The following CEP128 variants were observed in gnomAD, a reference collection of about 807,000 sequenced individuals.
CEP128 encodes the protein centrosomal protein 128, also known as centrosomal protein 128kDa.
In CEP128, 132 loss-of-function variants were observed where a neutral mutation model predicts 156.7. That is an observed-to-expected ratio of 0.84 (90% CI 0.73 to 0.97). The LOEUF is 0.97. Among genes scored for constraint, CEP128 ranks in the 50% least tolerant of loss-of-function variants. The pLI is 0.00. For missense variants in CEP128, 1,252 were observed against 1,281.9 expected (o/e 0.98, Z 0.36); for synonymous variants, 469 against 448.9 (o/e 1.04, Z -0.57).
chr14:80,872,255 T>C (rs1456431691), intron 8 of CEP128, among the ~76,000 whole-genome samples: 2 of 152,140 alleles, frequency 1.3e-5, no homozygotes, highest in African/African-American at 2.4e-5. Context: ...ATAAGGCCTA[T>C]GCAATATTGA....
At chr14:80,503,338 T>C (rs1181954224) in intron 24 of CEP128, among the ~76,000 whole-genome samples, 1 of 152,160 alleles carries the variant, frequency 6.6e-6, no homozygotes, top group Admixed American at 6.5e-5. Context: ...TTGTGAGAAA[T>C]ATATCTTAGA....
At chr14:80,951,121 G>A (rs927370136) in intron 2 of CEP128, among the ~76,000 whole-genome samples, 1 of 151,900 alleles carries the variant, frequency 6.6e-6, no homozygotes, top group East Asian at 1.9e-4. Context: ...AGAAAAGCTG[G>A]AATAATTTAT....
intron 19 of CEP128, among the ~76,000 whole-genome samples, chr14:80,686,995 G>A (rs962050642): frequency 1.3e-5 from 2 of 152,094 alleles, no homozygotes; most frequent in Non-Finnish European, 2.9e-5. Context: ...AATAGTGGGA[G>A]ATTTTAACAC....
intron 19 of CEP128, among the ~76,000 whole-genome samples, chr14:80,718,027 A>G (rs1897674227): frequency 6.6e-6 from 1 of 151,660 alleles, no homozygotes; most frequent in African/African-American, 2.4e-5. Context: ...GTGTGTATAT[A>G]TGTTTTGTTT....
chr14:80,486,328 A>G (rs1040428724), downstream of CEP128, among the ~76,000 whole-genome samples: 2 of 152,104 alleles, frequency 1.3e-5, no homozygotes, highest in African/African-American at 4.8e-5. Flanking sequence ...AAAAAAAAAT[A>G]AAAAGAAACA....
intron 19 of CEP128, among the ~76,000 whole-genome samples, chr14:80,668,724 T>A (rs1031583645): frequency 5.3e-5 from 8 of 152,158 alleles, no homozygotes; most frequent in African/African-American, 9.6e-5. Context: ...AGATGGGTGA[T>A]ATGGTTTGGC....
At chr14:80,781,895 CTGACCAT>C (rs1901141349) in intron 15 of CEP128, among the ~76,000 whole-genome samples, 2 of 152,180 alleles carry the variant, frequency 1.3e-5, no homozygotes, top group African/African-American at 4.8e-5. Context: ...TTACTAACTC[CTGACCAT>C]TGTGTTGATT....
intron 9 of CEP128, among the ~76,000 whole-genome samples, chr14:80,856,861 G>T (rs1887202452): frequency 6.6e-6 from 1 of 150,744 alleles, no homozygotes; most frequent in Admixed American, 6.6e-5. Context: ...CTCCCAGGTG[G>T]CTGGGATTAC....
intron 19 of CEP128, among the ~76,000 whole-genome samples, chr14:80,583,767 C>A (rs1182153392): frequency 3.3e-5 from 5 of 152,166 alleles, no homozygotes; most frequent in African/African-American, 1.2e-4. Flanking sequence ...TATTCTTTTT[C>A]TTAAATTAGC....
In CEP128 at chr14:80,600,672, G is replaced by C. The variant is rs1206563448; in HGVS notation, c.2807-20249C>G. ...TATATAGATAAATATTTTAAAAACA[G>C]TATAAATGTATTTTTTCTTTGCTTA... On this transcript the variant is annotated intron_variant, in intron 19 of 24. Transcript: ENST00000555265. Among the ~76,000 whole-genome samples, 8 of 152,098 alleles carry C rather than the reference G, an allele frequency of 5.3e-5. No homozygotes were observed. In the East Asian group the frequency reaches 1.2e-3, roughly 22 times the overall value.
intron 19 of CEP128, among the ~76,000 whole-genome samples, chr14:80,697,525 A>G (rs1011158279): frequency 3.3e-5 from 5 of 152,120 alleles, no homozygotes; most frequent in Non-Finnish European, 7.4e-5. Context: ...GAGAAACCTC[A>G]CAATTGATTT....
At position 80,590,672 on chromosome 14, in the gene CEP128, C is replaced by A. The variant is rs531155828; in HGVS notation, c.2807-10249G>T. Among the ~76,000 whole-genome samples the A allele has an allele frequency of 5.5e-4, 84 of 152,048 alleles. 1 individual carries two copies. The highest frequency in any genetic ancestry group is 6.8e-3 in the Middle Eastern group (2 of 294). On this transcript the variant is annotated intron_variant, in intron 19 of 24. Transcript: ENST00000555265. ...GGAGAAAAAAAAGAAAGAACACAAT[C>A]AAAAATACAGGTACATACAATAGAT... is the stretch of plus-strand genomic sequence containing the variant.
chr14:80,632,450 T>C (rs1033320959), intron 19 of CEP128, among the ~76,000 whole-genome samples: 18 of 148,802 alleles, frequency 1.2e-4, no homozygotes, highest in African/African-American at 9.8e-5. Flanking sequence ...AGTATATTAT[T>C]GTATATTATA....
chr14:80,549,667 T>A (rs1315890426), intron 21 of CEP128, among the ~76,000 whole-genome samples: 2 of 152,200 alleles, frequency 1.3e-5, no homozygotes, highest in Admixed American at 1.3e-4. Context: ...GTCAGTTGTT[T>A]CCTGAGTTGT....
intron 21 of CEP128, among the ~76,000 whole-genome samples, chr14:80,548,031 C>A (rs1311405544): frequency 6.6e-6 from 1 of 152,080 alleles, no homozygotes; most frequent in African/African-American, 2.4e-5. Flanking sequence ...AACTCCTGAC[C>A]TCAGGTGATC....
chr14:80,891,307 T>C (rs1469806667), intron 8 of CEP128, among the ~76,000 whole-genome samples: 1 of 152,082 alleles, frequency 6.6e-6, no homozygotes, highest in Non-Finnish European at 1.5e-5. Flanking sequence ...ACAATCTAAG[T>C]GTCCATTGAC....
chr14:80,959,227 T>G (rs1050394821), intron 1 of CEP128, among the ~76,000 whole-genome samples: 3 of 152,136 alleles, frequency 2.0e-5, no homozygotes, highest in African/African-American at 7.2e-5. Flanking sequence ...GGATCCCTAC[T>G]TCCCCCACTG....
At chr14:80,540,418 G>A (rs1008120336) in intron 21 of CEP128, among the ~76,000 whole-genome samples, 3 of 152,170 alleles carry the variant, frequency 2.0e-5, no homozygotes, top group South Asian at 2.1e-4. Flanking sequence ...GATAAACTCA[G>A]GGCCAAGGCC....
intron 2 of CEP128, among the ~76,000 whole-genome samples, chr14:80,925,656 G>A (rs532485479): frequency 1.9e-4 from 29 of 152,166 alleles, no homozygotes; most frequent in South Asian, 1.0e-3. Flanking sequence ...CTCCCACTGG[G>A]ATAAACAAAA....
Sources: gnomAD v4.1 joint callset for allele counts (sites outside exome capture counted in the v4.1 genomes callset) on GRCh38, gnomAD v4.1.1 for gene constraint, MANE v1.5 for transcripts, NCBI Gene and HGNC (gene_info 2026-07-23, HGNC 2026-07-21) for gene names.